Variants in OPN3 observed in about 807,000 individuals in gnomAD.
OPN3 encodes the protein opsin-3.
A neutral mutation model predicts 33.8 loss-of-function variants in OPN3; 29 were observed. The observed-to-expected ratio is 0.86, with a 90% CI of 0.64 to 1.17. The LOEUF is 1.17. OPN3 is among the 50% of genes most tolerant of loss of function. The pLI is 0.00. For missense variants in OPN3, 437 were observed against 514.1 expected (o/e 0.85, Z 1.45); for synonymous variants, 216 against 216.1 (o/e 1.00, Z 0.00).
chr1:241,627,417 T>C (rs572226334), intron 1 of OPN3, among the ~76,000 whole-genome samples: 1 of 152,292 alleles, frequency 6.6e-6, no homozygotes, highest in East Asian at 1.9e-4. Context: ...TGGGTCTCAA[T>C]ACAAAGTAGG....
chr1:241,599,479 A>T (rs531238213), intron 2 of OPN3, among the ~76,000 whole-genome samples: 27 of 152,288 alleles, frequency 1.8e-4, no homozygotes, highest in African/African-American at 4.3e-4. Flanking sequence ...ATTTACCTTT[A>T]AAAAAGGTTA....
At chr1:241,638,911 AG>A (rs1665004528) in intron 1 of OPN3, among the ~76,000 whole-genome samples, 1 of 152,242 alleles carries the variant, frequency 6.6e-6, no homozygotes, top group Non-Finnish European at 1.5e-5. Flanking sequence ...AATGGATTTC[AG>A]GATTTAAAAA....
intron 1 of OPN3, among the ~76,000 whole-genome samples, chr1:241,612,275 C>T (rs1406044809): frequency 6.6e-6 from 1 of 152,112 alleles, no homozygotes; most frequent in African/African-American, 2.4e-5. Flanking sequence ...TGAATGAGCA[C>T]ACAGTAAAAT....
At chr1:241,629,772 A>G (rs1664549446) in intron 1 of OPN3, 1 of 152,124 alleles carries the variant, frequency 6.6e-6, no homozygotes, top group Non-Finnish European at 1.5e-5. Context: ...ACTGACATCT[A>G]GCTAGTCTTT....
chr1:241,606,673 A>G (rs1435481994), intron 1 of OPN3, among the ~76,000 whole-genome samples: 2 of 152,194 alleles, frequency 1.3e-5, no homozygotes, highest in Non-Finnish European at 2.9e-5. Flanking sequence ...CACAAGGTGT[A>G]TGAACAGATG....
intron 2 of OPN3, among the ~76,000 whole-genome samples, chr1:241,601,872 T>C (rs1464537752): frequency 6.6e-6 from 1 of 152,188 alleles, no homozygotes; most frequent in Admixed American, 6.5e-5. Flanking sequence ...TATCTAGGAA[T>C]GATGACTATT....
In OPN3 at chr1:241,593,621, CAT is replaced by C; in HGVS notation, c.*805_*806del. 4.5e-6 allele frequency: 1 copy of C among 219,994 alleles called. No individual in the cohort carries two copies. The highest frequency in any genetic ancestry group is 9.9e-6 in the Non-Finnish European group (1 of 101,370). The allele number at this position is 219,994 out of a possible 1,614,324, so 13.6% of individuals were successfully genotyped here. ...GACAGATTGACAAGAGAAAAACAAA[CAT>C]AAATTTATTAGCGGGTATATGTAAT... On this transcript the variant is annotated 3_prime_UTR_variant, in exon 4 of 4. Transcript: ENST00000366554.
In OPN3 at chr1:241,597,776, A is replaced by T. The variant is rs1296920547; in HGVS notation, c.915T>A (p.Asn305Lys). ...YLFAKSNTVY[N>K]PVIYVFMIRK... ...TGATCATGAAGACATAAATCACTGGATTGTATACAGTGTTCGATTTAGCAA... is the reference window on the plus strand; with the variant it reads ...TGATCATGAAGACATAAATCACTGGTTTGTATACAGTGTTCGATTTAGCAA... The change falls in exon 3 of 4, where the codon AAT becomes AAA. Residue 305 changes from asparagine to lysine, a missense_variant. Coordinates refer to ENST00000366554, the MANE Select transcript of OPN3 (RefSeq NM_014322.3). 1 of 1,613,716 alleles carries T rather than the reference A, an allele frequency of 6.2e-7. No homozygotes were observed. The highest frequency in any genetic ancestry group is 8.5e-7 in the Non-Finnish European group (1 of 1,179,906).
At position 241,611,272 on chromosome 1, in the gene OPN3, T is replaced by C. The variant is rs1663984052; in HGVS notation, c.374-6693A>G. On this transcript the variant is annotated intron_variant, in intron 1 of 3. Coordinates refer to ENST00000366554, the MANE Select transcript of OPN3 (RefSeq NM_014322.3). ...GTTCACACTAAACAGAAGAGCGTGC[T>C]TCAAAAAAGGCCATGACCGAGACCT... is the stretch of plus-strand genomic sequence containing the variant. Among the ~76,000 whole-genome samples, 4 of 152,168 alleles carry C rather than the reference T, an allele frequency of 2.6e-5. No individual in the cohort carries two copies. The South Asian group carries it at 8.3e-4, about 32-fold the overall frequency.
intron 1 of OPN3, among the ~76,000 whole-genome samples, chr1:241,620,400 G>A (rs575027418): frequency 1.8e-4 from 27 of 152,216 alleles, no homozygotes; most frequent in Non-Finnish European, 3.1e-4. Flanking sequence ...ATGGTATGAG[G>A]TGACATCTTT....
intron 1 of OPN3, among the ~76,000 whole-genome samples, chr1:241,605,994 C>G (rs749542726): frequency 6.6e-6 from 1 of 152,062 alleles, no homozygotes; most frequent in South Asian, 2.1e-4. Flanking sequence ...TCCCCTTTTC[C>G]TCCTCCTCCT....
At chr1:241,616,880 C>G (rs531601537) in intron 1 of OPN3, among the ~76,000 whole-genome samples, 1 of 152,036 alleles carries the variant, frequency 6.6e-6, no homozygotes, top group African/African-American at 2.4e-5. Context: ...TTTTTCAACT[C>G]AAAATATGAT....
chr1:241,637,847 C>T (rs1664958301), intron 1 of OPN3, among the ~76,000 whole-genome samples: 1 of 152,166 alleles, frequency 6.6e-6, no homozygotes, highest in South Asian at 2.1e-4. Context: ...GTCTTTCCAA[C>T]AGATAGGGCA....
chr1:241,618,170 G>A (rs1439618248), intron 1 of OPN3, among the ~76,000 whole-genome samples: 2 of 152,094 alleles, frequency 1.3e-5, no homozygotes, highest in Admixed American at 1.3e-4. Context: ...GTCAAATTGG[G>A]GTTAACATGA....
rs758520519 is a variant in OPN3 at position 241,593,370 on chromosome 1, G to GAGTC, written c.*1054_*1057dup. ...GTTCATCCTTCTTTAACAGGCTGCT[G>GAGTC]AGTCACTCAGAAATCCTTCAAACAT... On this transcript the variant is annotated 3_prime_UTR_variant, in exon 4 of 4. Coordinates refer to ENST00000366554, the MANE Select transcript of OPN3 (RefSeq NM_014322.3). 2.3e-6 allele frequency: 1 copy of GAGTC among 441,284 alleles called. No individual in the cohort carries two copies. Among genetic ancestry groups the GAGTC allele is most frequent in the Non-Finnish European group, 4.9e-6 (1 of 204,954 alleles). The allele number at this position is 441,284 out of a possible 1,614,324, so 27.3% of individuals were successfully genotyped here.
intron 2 of OPN3, among the ~76,000 whole-genome samples, chr1:241,598,227 G>C (rs1394715266): frequency 9.2e-5 from 14 of 151,978 alleles, no homozygotes; most frequent in Admixed American, 9.2e-4. Flanking sequence ...GAGCTACAGA[G>C]CCTCCTACAT....
chr1:241,635,907 C>G (rs1420911345), intron 1 of OPN3: 1 of 759,478 alleles, frequency 1.3e-6, no homozygotes, highest in Admixed American at 3.3e-5. Flanking sequence ...AACGGTTACC[C>G]TTTTAAAATA....
chr1:241,635,856 A>G, intron 1 of OPN3: 1 of 1,315,292 alleles, frequency 7.6e-7, no homozygotes, highest in East Asian at 2.3e-5. Flanking sequence ...CTGATGTTCC[A>G]GTTATCCCAG....
chr1:241,598,755 C>A (rs1040348194), intron 2 of OPN3, among the ~76,000 whole-genome samples: 4 of 152,054 alleles, frequency 2.6e-5, no homozygotes, highest in African/African-American at 9.7e-5. Context: ...ATATATGTGT[C>A]ATAATAATAC....
Sources: allele counts gnomAD v4.1 joint callset (sites outside exome capture counted in the v4.1 genomes callset), GRCh38; gene constraint gnomAD v4.1.1; transcripts MANE v1.5; gene names NCBI Gene and HGNC (gene_info 2026-07-23, HGNC 2026-07-21).